NMNAT2: variants seen among roughly 807,000 people sequenced by gnomAD.
NMNAT2 encodes nicotinamide nucleotide adenylyltransferase 2.
Under a neutral mutation model 41.6 loss-of-function variants are expected in NMNAT2, and 11 were observed. The observed-to-expected ratio is 0.26, with a 90% confidence interval of 0.17 to 0.44. The LOEUF (loss-of-function observed/expected upper bound fraction) is 0.44. NMNAT2 is among the 20% of genes least tolerant of loss of function. The probability of loss-of-function intolerance (pLI) is 1.00; values close to 1 mark genes in which losing one functional copy is unlikely to be tolerated. For missense variants in NMNAT2, 288 were observed against 407.7 expected (o/e 0.71, Z 2.53); for synonymous variants, 148 against 151.2 (o/e 0.98, Z 0.16).
chr1:183,400,592 GC>G (rs1648780722), intron 1 of NMNAT2, among the ~76,000 whole-genome samples: 1 of 152,172 alleles, frequency 6.6e-6, no homozygotes, highest in South Asian at 2.1e-4. Context: ...GCAAAAAAGA[GC>G]CCGCATTGCC....
At chr1:183,369,020 G>A (rs1301073540) in intron 1 of NMNAT2, among the ~76,000 whole-genome samples, 2 of 152,130 alleles carry the variant, frequency 1.3e-5, no homozygotes, top group South Asian at 2.1e-4. Flanking sequence ...ACACTTCCAG[G>A]TCCTGGCTGT....
At chr1:183,340,306 G>A (rs1308133567) in intron 1 of NMNAT2, among the ~76,000 whole-genome samples, 2 of 146,498 alleles carry the variant, frequency 1.4e-5, no homozygotes, top group Non-Finnish European at 3.0e-5. Context: ...TCCTGGCACT[G>A]TTTCCCTGGG....
intron 1 of NMNAT2, among the ~76,000 whole-genome samples, chr1:183,386,359 T>C (rs934606627): frequency 5.3e-5 from 8 of 152,156 alleles, no homozygotes; most frequent in African/African-American, 1.4e-4. Flanking sequence ...AAGTTTCCAA[T>C]ATCTTGAGGT....
chr1:183,379,533 G>A (rs944007422), intron 1 of NMNAT2, among the ~76,000 whole-genome samples: 1 of 152,104 alleles, frequency 6.6e-6, no homozygotes, highest in African/African-American at 2.4e-5. Context: ...TAAAAGGTTG[G>A]AGAAAGATAT....
At position 183,404,536 on chromosome 1, in the gene NMNAT2, A is replaced by T. The variant is rs114052294; in HGVS notation, c.85+13647T>A. Among the ~76,000 whole-genome samples, 516 of 152,312 alleles carry T rather than the reference A, an allele frequency of 3.4e-3. 4 individuals carry two copies. Among genetic ancestry groups the T allele is most frequent in the African/African-American group, 0.012 (495 of 41,554 alleles). On this transcript the variant is annotated intron_variant, in intron 1 of 10. Transcript: ENST00000287713. ...AGGGACTCCAAGTGGAAAATCACTG[A>T]TATAGGAACATCTTCTAACACAGAC... is the stretch of plus-strand genomic sequence containing the variant.
intron 7 of NMNAT2, among the ~76,000 whole-genome samples, chr1:183,282,341 C>T (rs1390549209): frequency 1.3e-5 from 2 of 152,312 alleles, no homozygotes; most frequent in African/African-American, 2.4e-5. Context: ...GAAGAGTAAG[C>T]AGAGGCCCCT....
intron 8 of NMNAT2, among the ~76,000 whole-genome samples, chr1:183,277,264 C>T (rs947451329): frequency 3.9e-5 from 6 of 152,268 alleles, no homozygotes; most frequent in African/African-American, 1.2e-4. Flanking sequence ...AGGCAGATCA[C>T]CTGAGGTCAG....
In NMNAT2 at chr1:183,393,062, G is replaced by A. The variant is rs142094103; in HGVS notation, c.85+25121C>T. Among the ~76,000 whole-genome samples the A allele has an allele frequency of 1.3e-3, 192 of 152,076 alleles. 1 individual carries two copies. The highest frequency in any genetic ancestry group is 4.5e-3 in the African/African-American group (186 of 41,476). ...TAGGCACTCAAATGGTGGTGGTGTC[G>A]GTGAGCAAACTCACAGAGAGCATCT... On this transcript the variant is annotated intron_variant, in intron 1 of 10. Transcript: ENST00000287713.
intron 1 of NMNAT2, among the ~76,000 whole-genome samples, chr1:183,378,786 G>A (rs963988919): frequency 7.8e-6 from 1 of 127,982 alleles, no homozygotes; most frequent in Non-Finnish European, 1.6e-5. Context: ...GCTCATGCTT[G>A]TAATCCCAGC....
At chr1:183,354,248 T>A (rs1469337139) in intron 1 of NMNAT2, among the ~76,000 whole-genome samples, 1 of 151,626 alleles carries the variant, frequency 6.6e-6, no homozygotes, top group Non-Finnish European at 1.5e-5. Context: ...AACAAAGAGA[T>A]GAGAGGCGAA....
chr1:183,390,299 G>A (rs564570062), intron 1 of NMNAT2, among the ~76,000 whole-genome samples: 4 of 152,326 alleles, frequency 2.6e-5, no homozygotes, highest in Non-Finnish European at 4.4e-5. Flanking sequence ...TGCTTACAGT[G>A]AGGAAATGTC....
At chr1:183,255,472 T>A (rs1435540703) in intron 10 of NMNAT2, among the ~76,000 whole-genome samples, 1 of 152,206 alleles carries the variant, frequency 6.6e-6, no homozygotes, top group Non-Finnish European at 1.5e-5. Flanking sequence ...ATTGGGATTT[T>A]GATAGGTATT....
chr1:183,266,066 A>C (rs1378705505), intron 8 of NMNAT2, among the ~76,000 whole-genome samples: 1 of 152,138 alleles, frequency 6.6e-6, no homozygotes, highest in African/African-American at 2.4e-5. Flanking sequence ...AGTCAAGGAA[A>C]CCAATTTTCC....
intron 1 of NMNAT2, among the ~76,000 whole-genome samples, chr1:183,311,001 G>A (rs767418733): frequency 7.2e-5 from 11 of 152,214 alleles, no homozygotes; most frequent in Middle Eastern, 3.4e-3. Context: ...CCACGCGGTC[G>A]TAAGAGATTA....
chr1:183,322,128 G>A (rs894050104), intron 1 of NMNAT2, among the ~76,000 whole-genome samples: 5 of 152,128 alleles, frequency 3.3e-5, no homozygotes, highest in African/African-American at 1.2e-4. Context: ...CCCAGCCTGG[G>A]CTAGATATTT....
Position 183,286,674 on chromosome 1 carries a change from T to C in NMNAT2, c.436A>G (p.Lys146Glu), listed in dbSNP as rs1661405743. ...AGTGTTCCCCTACCTGCAGTGGGCT[T>C]GGTGGCCACGTTGCTGTTCTGGTAA... ...PIYQNSNVAT[K>E]PTAAKILGKV... Residue 146 changes from lysine (K) to glutamate (E), a missense_variant, in exon 5 of 11, where the codon AAG (lysine) becomes GAG (glutamate). Lys to Glu is a moderately conservative substitution (Grantham distance 56). Around this residue, in one of 3 missense-constraint regions of NMNAT2, gnomAD observed 181 missense variants for 213.7 expected, o/e 0.85. Coordinates refer to ENST00000287713, the MANE Select transcript of NMNAT2 (RefSeq NM_015039.4). The C allele has an allele frequency of 6.2e-7, 1 of 1,610,078 alleles. No homozygotes were observed. Among genetic ancestry groups the C allele is most frequent in the South Asian group, 1.1e-5 (1 of 89,986 alleles).
chr1:183,404,753 T>C (rs1648908090), intron 1 of NMNAT2, among the ~76,000 whole-genome samples: 1 of 152,186 alleles, frequency 6.6e-6, no homozygotes, highest in South Asian at 2.1e-4. Context: ...ACCCCCGCTG[T>C]TGGTCTAGGG....
At chr1:183,413,899 G>T (rs1009341326) in intron 1 of NMNAT2, among the ~76,000 whole-genome samples, 9 of 152,068 alleles carry the variant, frequency 5.9e-5, no homozygotes, top group African/African-American at 1.7e-4. Context: ...GAGCCACCGC[G>T]CCCGGCCTAG....
chr1:183,410,765 A>G (rs1481675298), intron 1 of NMNAT2, among the ~76,000 whole-genome samples: 1 of 114,720 alleles, frequency 8.7e-6, no homozygotes, highest in Admixed American at 8.9e-5. Context: ...TTTTTTTTTT[A>G]AGAGATGAAG....
Sources: allele counts gnomAD v4.1 joint callset (sites outside exome capture counted in the v4.1 genomes callset), GRCh38; gene constraint gnomAD v4.1.1; regional missense constraint gnomAD v4.1.1; transcripts MANE v1.5; gene names NCBI Gene and HGNC (gene_info 2026-07-23, HGNC 2026-07-21).